The following RIMS2 variants were observed in gnomAD, a reference collection of about 807,000 sequenced individuals.
The protein encoded by RIMS2 is regulating synaptic membrane exocytosis protein 2.
In RIMS2, 59 loss-of-function variants were observed where a neutral mutation model predicts 174.4. The observed-to-expected ratio is 0.34, with a 90% CI of 0.27 to 0.42. The LOEUF (loss-of-function observed/expected upper bound fraction) is 0.42, where lower values mean the gene tolerates loss of function less well. RIMS2 is among the 10% of genes least tolerant of loss of function. The pLI is 1.00. For synonymous variants in RIMS2, 606 were observed against 572.5 expected, an observed-to-expected ratio of 1.06 and a Z score of -0.84; for missense variants, 1,620 against 1,666.3, an observed-to-expected ratio of 0.97 and a Z score of 0.48.
chr8:104,187,668 C>T (rs998180521), intron 19 of RIMS2, among the ~76,000 whole-genome samples: 1 of 151,532 alleles, frequency 6.6e-6, no homozygotes, highest in African/African-American at 2.4e-5. Context: ...GAAGTTTTTC[C>T]TCATATTCAT....
intron 2 of RIMS2, among the ~76,000 whole-genome samples, chr8:103,699,778 G>A (rs1412964042): frequency 1.3e-5 from 2 of 151,924 alleles, no homozygotes; most frequent in Admixed American, 6.6e-5. Context: ...CTCATGTGTT[G>A]TTTCTTCATT....
At chr8:103,987,842 CA>C (rs1260356873) in intron 16 of RIMS2, among the ~76,000 whole-genome samples, 1 of 152,102 alleles carries the variant, frequency 6.6e-6, no homozygotes, top group Non-Finnish European at 1.5e-5. Flanking sequence ...GTACTGTTCT[CA>C]AAAGTAACCC....
chr8:103,994,401 A>G (rs539778966), intron 17 of RIMS2, among the ~76,000 whole-genome samples: 3 of 152,180 alleles, frequency 2.0e-5, no homozygotes, highest in Admixed American at 6.5e-5. Flanking sequence ...AATTTAGTAA[A>G]TGTATTGTTT....
chr8:103,943,782 A>G (rs1339757917), intron 14 of RIMS2, among the ~76,000 whole-genome samples: 1 of 152,176 alleles, frequency 6.6e-6, no homozygotes, highest in Admixed American at 6.5e-5. Flanking sequence ...GGGTAGTTAT[A>G]TCTTTACGGA....
chr8:103,988,272 G>A (rs75644946), intron 16 of RIMS2, among the ~76,000 whole-genome samples: 1,771 of 152,216 alleles, frequency 0.012, 34 homozygotes, highest in African/African-American at 0.039. Flanking sequence ...TGATAAAGTG[G>A]CACCACAATT....
chr8:104,089,178 A>G (rs2097587832), intron 19 of RIMS2, among the ~76,000 whole-genome samples: 1 of 151,944 alleles, frequency 6.6e-6, no homozygotes, highest in South Asian at 2.1e-4. Context: ...CAGGCCATTC[A>G]TTGTTCATCC....
At chr8:103,575,003 G>C (rs1324244731) in intron 1 of RIMS2, among the ~76,000 whole-genome samples, 1 of 152,138 alleles carries the variant, frequency 6.6e-6, no homozygotes, top group African/African-American at 2.4e-5. Context: ...TCTTGGCAGA[G>C]CCACAAGAAT....
At position 104,237,932 on chromosome 8, in the gene RIMS2, C is replaced by CAAAT. The variant is rs1056962563; in HGVS notation, c.3335-6968_3335-6965dup. Among the ~76,000 whole-genome samples the CAAAT allele has an allele frequency of 7.2e-5, 11 of 151,858 alleles. No individual in the cohort carries two copies. The East Asian group carries it at 7.7e-4, about 11-fold the overall frequency. ...TCCCCATATTGAGGTCTTGCAGGAC[C>CAAAT]AAATAAATAAATAAATAAACATCTT... On this transcript the variant is annotated intron_variant, in intron 19 of 23. Transcript: ENST00000504942.
At chr8:103,607,157 G>A (rs1288239204) in intron 1 of RIMS2, among the ~76,000 whole-genome samples, 1 of 152,108 alleles carries the variant, frequency 6.6e-6, no homozygotes, top group African/African-American at 2.4e-5. Flanking sequence ...TCCTTTCCAT[G>A]TGTAGTGCTT....
chr8:103,513,577 C>T (rs1436602), intron 1 of RIMS2, among the ~76,000 whole-genome samples: 132,829 of 152,230 alleles, frequency 0.87, 58,268 homozygotes, highest in African/African-American at 0.97. Flanking sequence ...ATAAGGACTA[C>T]ATATAGTCAG....
At chr8:104,112,491 A>C (rs906420397) in intron 19 of RIMS2, among the ~76,000 whole-genome samples, 5 of 152,108 alleles carry the variant, frequency 3.3e-5, no homozygotes, top group African/African-American at 1.2e-4. Flanking sequence ...TGATATATGT[A>C]TGTGTCATGG....
chr8:103,912,219 T>C, intron 6 of RIMS2, 47 bp downstream of exon 9: 1 of 1,481,342 alleles, frequency 6.8e-7, no homozygotes, highest in Non-Finnish European at 9.2e-7. Context: ...TCTTACAGAT[T>C]TACCAGAAAA....
chr8:104,222,810 G>A (rs1008845647), intron 19 of RIMS2, among the ~76,000 whole-genome samples: 1 of 152,102 alleles, frequency 6.6e-6, no homozygotes, highest in Non-Finnish European at 1.5e-5. Flanking sequence ...GAGAAAGAAG[G>A]CAATAAAAAT....
Position 103,808,922 on chromosome 8 carries a change from T to C in RIMS2, c.698+42385T>C, listed in dbSNP as rs2098668361. Among the ~76,000 whole-genome samples, 6 of 152,302 alleles carry C rather than the reference T, an allele frequency of 3.9e-5. No individual in the cohort carries two copies. In the South Asian group the frequency reaches 1.2e-3, roughly 32 times the overall value. On this transcript the variant is annotated intron_variant, in intron 3 of 23. Coordinates refer to ENST00000504942, the Ensembl canonical transcript of RIMS2. ...GGTTATATGTCCTCCTATGTGTTTC[T>C]TGTTAACTCCTGAATCTTCTCCATT...
chr8:103,909,946 A>C (rs192941946), intron 4 of RIMS2, among the ~76,000 whole-genome samples: 1 of 151,390 alleles, frequency 6.6e-6, no homozygotes, highest in East Asian at 1.9e-4. Flanking sequence ...TATAAATTTT[A>C]CTTTTTGAAT....
At chr8:103,973,059 G>A (rs2093056257) in intron 15 of RIMS2, among the ~76,000 whole-genome samples, 1 of 152,150 alleles carries the variant, frequency 6.6e-6, no homozygotes, top group South Asian at 2.1e-4. Context: ...ACTGTTCTAA[G>A]TTTTGTAAGA....
chr8:103,792,735 A>G (rs949566694), intron 3 of RIMS2, among the ~76,000 whole-genome samples: 1 of 152,134 alleles, frequency 6.6e-6, no homozygotes, highest in African/African-American at 2.4e-5. Context: ...CGCAATAAAA[A>G]ATGAGAAAGT....
intron 3 of RIMS2, among the ~76,000 whole-genome samples, chr8:103,830,144 G>A (rs1220391575): frequency 1.3e-5 from 2 of 151,744 alleles, no homozygotes; most frequent in Non-Finnish European, 2.9e-5. Flanking sequence ...TCTCTCATTT[G>A]CCTATTAGTT....
intron 1 of RIMS2, among the ~76,000 whole-genome samples, chr8:103,636,610 C>G (rs2096079222): frequency 6.6e-6 from 1 of 151,738 alleles, no homozygotes; most frequent in South Asian, 2.1e-4. Context: ...TTTCTTCATT[C>G]TCTTTGGGTC....
Sources: gnomAD v4.1 joint callset for allele counts (sites outside exome capture counted in the v4.1 genomes callset) on GRCh38, gnomAD v4.1.1 for gene constraint, MANE v1.5 for transcripts, NCBI Gene and HGNC (gene_info 2026-07-23, HGNC 2026-07-21) for gene names.